DOCK8: variants seen among roughly 807,000 people sequenced by gnomAD.
DOCK8 encodes dedicator of cytokinesis protein 8.
Under a neutral mutation model 245.6 loss-of-function variants are expected in DOCK8, and 141 were observed. That is an observed-to-expected ratio of 0.57 (90% CI 0.50 to 0.66). DOCK8 has a LOEUF of 0.66. Ranked by LOEUF, DOCK8 falls within the 30% of genes least tolerant of loss-of-function variation. The pLI is 0.00. For missense variants in DOCK8, 2,965 were observed against 2,603.4 expected (o/e 1.14, Z -3.02); for synonymous variants, 1,168 against 970.2 (o/e 1.20, Z -3.79).
chr9:265,413 C>T (rs779806697), intron 1 of DOCK8, among the ~76,000 whole-genome samples: 2 of 152,164 alleles, frequency 1.3e-5, no homozygotes, highest in African/African-American at 4.8e-5. Flanking sequence ...CATAGGTACA[C>T]CCACAAATGT....
At position 391,858 on chromosome 9, in the gene DOCK8, G is replaced by A. The variant is rs527758451; in HGVS notation, c.2970+1292G>A. On this transcript the variant is annotated intron_variant, in intron 24 of 47. Coordinates refer to ENST00000432829, the MANE Select transcript of DOCK8 (RefSeq NM_203447.4). Reference sequence around the variant, plus strand: ...TTTTTTTTTTTTAAAGAGAGTCTAGGCTGGGTGTGGTGGCTCACACTTGTA... The same window carrying A: ...TTTTTTTTTTTTAAAGAGAGTCTAGACTGGGTGTGGTGGCTCACACTTGTA... Among the ~76,000 whole-genome samples the A allele has an allele frequency of 4.4e-4, 64 of 143,836 alleles. 2 individuals carry two copies. The South Asian group carries it at 9.0e-3, about 20-fold the overall frequency. 94.4% of individuals were successfully genotyped at this position (143,836 alleles called of 152,430 possible).
intron 1 of DOCK8, among the ~76,000 whole-genome samples, chr9:263,472 C>G (rs2047967493): frequency 6.6e-6 from 1 of 152,108 alleles, no homozygotes; most frequent in East Asian, 1.9e-4. Context: ...TTAAACTTCA[C>G]ATTATTATCA....
intron 26 of DOCK8, among the ~76,000 whole-genome samples, chr9:400,259 C>T (rs796205409): frequency 5.3e-4 from 46 of 87,306 alleles, no homozygotes; most frequent in East Asian, 1.9e-3. Context: ...ACCATCACCA[C>T]CACCTCCACC....
chr9:251,029 G>T (rs901320012), intron 1 of DOCK8, among the ~76,000 whole-genome samples: 3 of 152,188 alleles, frequency 2.0e-5, no homozygotes, highest in African/African-American at 7.2e-5. Flanking sequence ...AGACTTATAG[G>T]AAGCAAAGAG....
At position 406,889 on chromosome 9, in the gene DOCK8, A is replaced by G. The variant is rs775017206; in HGVS notation, c.3391-41A>G. 5.0e-6 allele frequency: 8 copies of G among 1,613,788 alleles called. No homozygotes were observed. In the South Asian group the frequency reaches 7.7e-5, roughly 16 times the overall value. ...CACTGGCCATCGCTATTTTCATTCC[A>G]GTTCTTGTGGCTCATAAAATGGCTC... On this transcript the variant is annotated intron_variant, in intron 27 of 47. Transcript: ENST00000432829.
chr9:359,381 A>G (rs10972267), intron 14 of DOCK8, among the ~76,000 whole-genome samples: 40,242 of 151,940 alleles, frequency 0.26, 5,541 homozygotes, highest in African/African-American at 0.31. Flanking sequence ...CAGTTTTATC[A>G]TCTTCTGAAT....
At chr9:376,102 C>G in intron 18 of DOCK8, 108 bp from the exon 19 acceptor site, 1 of 834,600 alleles carries the variant, frequency 1.2e-6, no homozygotes, top group Non-Finnish European at 2.1e-6. Context: ...CAAGAGAGTT[C>G]TGTATTTGTA....
At position 444,030 on chromosome 9, in the gene DOCK8, C is replaced by T. The variant is rs577371251; in HGVS notation, c.5580+514C>T. Among the ~76,000 whole-genome samples the T allele has an allele frequency of 3.3e-4, 50 of 152,256 alleles. 2 individuals are homozygous for T. Among genetic ancestry groups the T allele is most frequent in the East Asian group, 2.5e-3 (13 of 5,188 alleles). On this transcript the variant is annotated intron_variant, in intron 43 of 47. Transcript: ENST00000432829. ...TTCCTTCTTTAGGCTGCAAGTATTC[C>T]TTCCATCCAAGTCCGGGATCACTGT...
intron 4 of DOCK8, among the ~76,000 whole-genome samples, chr9:292,576 C>T (rs1201410039): frequency 6.7e-6 from 1 of 150,314 alleles, no homozygotes; most frequent in Admixed American, 6.6e-5. Context: ...TTTATTTTTC[C>T]TGGTGCTCTG....
At chr9:323,105 AAAAG>A (rs1354329022) in intron 7 of DOCK8, among the ~76,000 whole-genome samples, 90 of 151,868 alleles carry the variant, frequency 5.9e-4, no homozygotes, top group African/African-American at 1.6e-3. Context: ...AAAAAAAAAA[AAAAG>A]AAAGCCCCCA....
chr9:307,338 GTTTTTTTTTTTTTTTTTTTTTTTTT>G (rs1165775428), intron 5 of DOCK8, among the ~76,000 whole-genome samples: 2 of 51,218 alleles, frequency 3.9e-5, no homozygotes, highest in East Asian at 6.5e-4. Flanking sequence ...GGTTTTTTTT[GTTTTTTTTTTTTTTTTTTTTTTTTT>G]TTTTTTTTTT....
intron 1 of DOCK8, among the ~76,000 whole-genome samples, chr9:252,868 G>T (rs760047510): frequency 6.6e-6 from 1 of 151,418 alleles, no homozygotes; most frequent in Non-Finnish European, 1.5e-5. Flanking sequence ...AACTTTTGTT[G>T]GTAGCCAACA....
chr9:398,838 A>T (rs111709256), intron 25 of DOCK8, among the ~76,000 whole-genome samples: 19 of 150,796 alleles, frequency 1.3e-4, no homozygotes, highest in African/African-American at 4.5e-4. Context: ...ACCAGGATAT[A>T]AAAAAAAGTA....
chr9:276,289 G>A (rs73374553), intron 2 of DOCK8, among the ~76,000 whole-genome samples: 4,441 of 152,270 alleles, frequency 0.029, 223 homozygotes, highest in African/African-American at 0.1. Flanking sequence ...ATTTCAGAAG[G>A]TGTAGTAAGC....
chr9:389,903 T>C (rs2054112070), intron 23 of DOCK8, among the ~76,000 whole-genome samples: 1 of 152,086 alleles, frequency 6.6e-6, no homozygotes, highest in African/African-American at 2.4e-5. Context: ...TGCACGCCTT[T>C]AGTCCCAGCT....
At chr9:378,010 C>A (rs2053588770) in intron 20 of DOCK8, among the ~76,000 whole-genome samples, 2 of 152,190 alleles carry the variant, frequency 1.3e-5, no homozygotes, top group Admixed American at 1.3e-4. Flanking sequence ...TCCAGTCCAG[C>A]AGACGTCTTT....
In DOCK8 at chr9:240,732, T is replaced by G. The variant is rs537168577; in HGVS notation, c.53+25703T>G. On this transcript the variant is annotated intron_variant, in intron 1 of 47. Transcript: ENST00000432829. ...CACTTACTTGTGCCAGGCACTGTGT[T>G]AGACTCTGGGGATTTGGAAAGACCC... 9.2e-5 allele frequency among the ~76,000 whole-genome samples: 14 copies of G among 152,284 alleles called. No homozygotes were observed. The South Asian group carries it at 2.5e-3, about 27-fold the overall frequency.
At chr9:391,953 A>G (rs960275705) in intron 24 of DOCK8, among the ~76,000 whole-genome samples, 9 of 151,502 alleles carry the variant, frequency 5.9e-5, no homozygotes, top group Admixed American at 2.0e-4. Flanking sequence ...AGCCTGGCCA[A>G]CGTGACAAAA....
chr9:259,168 G>A (rs1034890310), intron 1 of DOCK8, among the ~76,000 whole-genome samples: 1 of 151,896 alleles, frequency 6.6e-6, no homozygotes, highest in African/African-American at 2.4e-5. Context: ...AGGTATGGTG[G>A]TACATGCCTG....
Sources: gnomAD v4.1 joint callset for allele counts (sites outside exome capture counted in the v4.1 genomes callset) on GRCh38, gnomAD v4.1.1 for gene constraint, MANE v1.5 for transcripts, NCBI Gene and HGNC (gene_info 2026-07-23, HGNC 2026-07-21) for gene names.